SAMD5: variants seen among roughly 807,000 people sequenced by gnomAD.
SAMD5 encodes the protein sterile alpha motif domain containing 5.
SAMD5 carries 13 observed loss-of-function variants against 11.3 expected under a neutral mutation model. The ratio of observed to expected loss-of-function variants is 1.15; its 90% confidence interval spans 0.75 to 1.83. The LOEUF (loss-of-function observed/expected upper bound fraction) is 1.83. Ranked by LOEUF, SAMD5 falls within the 40% of genes most tolerant of loss-of-function variation. The pLI is 0.00. For synonymous variants in SAMD5, 129 were observed against 111.3 expected (o/e 1.16, Z -1.00); for missense variants, 255 against 239.1 (o/e 1.07, Z -0.44).
chr6:147,713,657 C>A (rs549633334), intron 1 of SAMD5, among the ~76,000 whole-genome samples: 75 of 152,150 alleles, frequency 4.9e-4, no homozygotes, highest in African/African-American at 1.7e-3. Context: ...AACTAGGGCC[C>A]AAGGGTGATA....
the SAMD5 span, among the ~76,000 whole-genome samples, chr6:147,768,529 A>C: frequency 6.6e-6 from 1 of 152,126 alleles, no homozygotes; most frequent in African/African-American, 2.4e-5. Flanking sequence ...ACAACAAAAA[A>C]ACAGAAAAAA....
chr6:147,573,595 T>C (rs1465635283), downstream of SAMD5, among the ~76,000 whole-genome samples: 1 of 152,214 alleles, frequency 6.6e-6, no homozygotes, highest in Non-Finnish European at 1.5e-5. Flanking sequence ...CATAAGTTAC[T>C]AAATCCTTTC....
the SAMD5 span, among the ~76,000 whole-genome samples, chr6:147,870,134 C>T: frequency 6.6e-6 from 1 of 152,136 alleles, no homozygotes; most frequent in East Asian, 1.9e-4. Context: ...CTTTCAAGGG[C>T]TCCATAGCTC....
chr6:147,835,587 C>T, the SAMD5 span, among the ~76,000 whole-genome samples: 6 of 152,098 alleles, frequency 3.9e-5, no homozygotes, highest in Non-Finnish European at 5.9e-5. Flanking sequence ...TTGCACTTTC[C>T]TGCCATGCCA....
At chr6:147,591,024 A>G (rs1367301196) in intron 1 of SAMD5, among the ~76,000 whole-genome samples, 2 of 152,164 alleles carry the variant, frequency 1.3e-5, no homozygotes, top group Admixed American at 6.5e-5. Flanking sequence ...TATTAGTGCT[A>G]TTCTTCGAGG....
chr6:147,646,014 GTATC>G (rs1184365599), intron 1 of SAMD5, among the ~76,000 whole-genome samples: 3 of 55,438 alleles, frequency 5.4e-5, no homozygotes, highest in African/African-American at 1.0e-4. Context: ...GTCTGTCTAT[GTATC>G]TATCTATGTA....
the SAMD5 span, among the ~76,000 whole-genome samples, chr6:147,812,089 A>C: frequency 6.6e-6 from 1 of 152,208 alleles, no homozygotes. Context: ...AGCCTAGGAC[A>C]GAGTGACTCC....
the SAMD5 span, among the ~76,000 whole-genome samples, chr6:147,745,642 A>G: frequency 1.7e-4 from 26 of 152,324 alleles, no homozygotes; most frequent in African/African-American, 5.5e-4. Context: ...GTGTTTTCAC[A>G]AAGTGCACAC....
intron 1 of SAMD5, among the ~76,000 whole-genome samples, chr6:147,656,502 C>G (rs1267616554): frequency 6.6e-6 from 1 of 152,066 alleles, no homozygotes; most frequent in Admixed American, 6.5e-5. Flanking sequence ...GCATATACCC[C>G]TAAGTTGTAA....
In SAMD5 at chr6:147,733,117, C is replaced by T. The variant is rs555314898; in HGVS notation, c.163-4200C>T. On this transcript the variant is annotated intron_variant, in intron 1 of 1. Coordinates refer to the SAMD5 transcript ENST00000566741. ...GCTTTTATTTCATTTATACTTGAAG[C>T]GAATTCACTTGAAAATGACAATATT... is the stretch of plus-strand genomic sequence containing the variant. Among the ~76,000 whole-genome samples, 109 of 152,216 alleles carry T rather than the reference C, an allele frequency of 7.2e-4. 4 individuals carry two copies. In the South Asian group the frequency reaches 0.02, roughly 28 times the overall value.
At chr6:147,855,115 T>C in the SAMD5 span, among the ~76,000 whole-genome samples, 1 of 152,156 alleles carries the variant, frequency 6.6e-6, no homozygotes, top group African/African-American at 2.4e-5. Context: ...TACTGCATTA[T>C]ACGGTATAAA....
chr6:147,912,979 ATACAG>A, the SAMD5 span, among the ~76,000 whole-genome samples: 2 of 152,128 alleles, frequency 1.3e-5, no homozygotes, highest in Non-Finnish European at 2.9e-5. Context: ...GTTGGAAAAT[ATACAG>A]TAAAGAGAAA....
At chr6:147,833,300 C>A in the SAMD5 span, among the ~76,000 whole-genome samples, 1 of 152,176 alleles carries the variant, frequency 6.6e-6, no homozygotes, top group African/African-American at 2.4e-5. Context: ...GACAGCAAAT[C>A]TCAAAAATAT....
At chr6:147,764,626 ACT>A in the SAMD5 span, among the ~76,000 whole-genome samples, 1 of 152,068 alleles carries the variant, frequency 6.6e-6, no homozygotes, top group African/African-American at 2.4e-5. Flanking sequence ...AAGTGTAGTA[ACT>A]CTGCCAAAGA....
the SAMD5 span, among the ~76,000 whole-genome samples, chr6:147,745,704 T>G: frequency 6.6e-6 from 1 of 152,118 alleles, no homozygotes; most frequent in African/African-American, 2.4e-5. Flanking sequence ...TCACTAGTGA[T>G]TTAGGAGAGT....
At chr6:147,798,875 A>C in the SAMD5 span, among the ~76,000 whole-genome samples, 1 of 152,094 alleles carries the variant, frequency 6.6e-6, no homozygotes, top group Non-Finnish European at 1.5e-5. Flanking sequence ...GTTTTATCAG[A>C]GACTAGGATT....
intron 1 of SAMD5, among the ~76,000 whole-genome samples, chr6:147,688,740 G>C (rs773225255): frequency 6.6e-6 from 1 of 152,196 alleles, no homozygotes; most frequent in Non-Finnish European, 1.5e-5. Context: ...GATTTTGCTT[G>C]TTAAGTCTTT....
the SAMD5 span, among the ~76,000 whole-genome samples, chr6:147,758,079 TG>T: frequency 6.6e-6 from 1 of 152,192 alleles, no homozygotes; most frequent in African/African-American, 2.4e-5. Flanking sequence ...GAAACCTTAC[TG>T]GGTGACAGAA....
chr6:147,717,492 T>C (rs1583151450), intron 1 of SAMD5, among the ~76,000 whole-genome samples: 1 of 152,186 alleles, frequency 6.6e-6, no homozygotes, highest in East Asian at 1.9e-4. Flanking sequence ...CCTTTCTAAC[T>C]GGCTCAATGG....
Sources: gnomAD v4.1 joint callset for allele counts (sites outside exome capture counted in the v4.1 genomes callset) on GRCh38, gnomAD v4.1.1 for gene constraint, MANE v1.5 for transcripts, NCBI Gene and HGNC (gene_info 2026-07-23, HGNC 2026-07-21) for gene names.